Variants in THRB observed in about 807,000 individuals in gnomAD.
THRB encodes nuclear receptor subfamily 1 group A member 2.
In THRB, 12 loss-of-function variants were observed where a neutral mutation model predicts 47.8. The observed-to-expected ratio is 0.25, with a 90% CI of 0.16 to 0.41. The LOEUF (loss-of-function observed/expected upper bound fraction) is 0.41, where lower values mean the gene tolerates loss of function less well. Ranked by LOEUF, THRB falls within the 10% of genes least tolerant of loss-of-function variation. The pLI is 1.00. For synonymous variants in THRB, 218 were observed against 212.2 expected, an observed-to-expected ratio of 1.03 and a Z score of -0.24; for missense variants, 348 against 589.2, an observed-to-expected ratio of 0.59 and a Z score of 4.24.
chr3:24,369,146 A>G (rs973843737), intron 1 of THRB, among the ~76,000 whole-genome samples: 4 of 152,158 alleles, frequency 2.6e-5, no homozygotes, highest in African/African-American at 9.6e-5. Flanking sequence ...CCATAATTCT[A>G]TAAAGACATC....
intron 1 of THRB, among the ~76,000 whole-genome samples, chr3:24,487,304 T>G (rs1316559876): frequency 1.3e-5 from 2 of 151,992 alleles, no homozygotes; most frequent in Non-Finnish European, 2.9e-5. Flanking sequence ...TCACAACCTA[T>G]TGTGCTGAAC....
chr3:24,190,884 G>GAA (rs59313395), intron 4 of THRB, among the ~76,000 whole-genome samples: 3 of 131,478 alleles, frequency 2.3e-5, no homozygotes, highest in African/African-American at 2.7e-5. Context: ...CCTACAAAAA[G>GAA]AAAAAAAAAA....
At chr3:24,179,268 G>A (rs1466086660) in intron 5 of THRB, among the ~76,000 whole-genome samples, 1 of 152,148 alleles carries the variant, frequency 6.6e-6, no homozygotes, top group African/African-American at 2.4e-5. Context: ...GAAAATAGTA[G>A]GCATCAACGT....
intron 1 of THRB, among the ~76,000 whole-genome samples, chr3:24,475,813 T>A (rs745315778): frequency 6.6e-6 from 1 of 152,220 alleles, no homozygotes; most frequent in South Asian, 2.1e-4. Flanking sequence ...AGATTCTATA[T>A]AACAGACATC....
At chr3:24,396,461 G>T (rs2066972431) in intron 1 of THRB, among the ~76,000 whole-genome samples, 1 of 152,094 alleles carries the variant, frequency 6.6e-6, no homozygotes, top group Non-Finnish European at 1.5e-5. Flanking sequence ...TGTTTCAATA[G>T]ATGACATCTT....
At chr3:24,177,504 G>A (rs1430714283) in intron 5 of THRB, among the ~76,000 whole-genome samples, 1 of 152,106 alleles carries the variant, frequency 6.6e-6, no homozygotes, top group Middle Eastern at 3.2e-3. Flanking sequence ...TTCACCATCT[G>A]CAGTGAATCA....
chr3:24,243,082 A>G (rs1452877313), intron 3 of THRB, among the ~76,000 whole-genome samples: 1 of 151,580 alleles, frequency 6.6e-6, no homozygotes, highest in Non-Finnish European at 1.5e-5. Context: ...AAAAAAAAAA[A>G]AAAAAAAAAA....
chr3:24,449,572 G>T (rs572266303), intron 1 of THRB, among the ~76,000 whole-genome samples: 1 of 152,244 alleles, frequency 6.6e-6, no homozygotes, highest in South Asian at 2.1e-4. Context: ...TGGAATTTTT[G>T]ACTTTCTCTC....
At chr3:24,320,641 T>C (rs1167461013) in intron 2 of THRB, among the ~76,000 whole-genome samples, 4 of 152,140 alleles carry the variant, frequency 2.6e-5, no homozygotes, top group Non-Finnish European at 5.9e-5. Context: ...TTGGTGTTTC[T>C]AGTATTAAAT....
chr3:24,338,526 G>A (rs2062415419), intron 1 of THRB, among the ~76,000 whole-genome samples: 1 of 152,178 alleles, frequency 6.6e-6, no homozygotes, highest in Non-Finnish European at 1.5e-5. Context: ...GCCACATTGA[G>A]TAAATACATA....
rs148869047 is a variant in THRB at position 24,254,440 on chromosome 3, T to C, written c.-42-25439A>G. On this transcript the variant is annotated intron_variant, in intron 3 of 10. Coordinates refer to ENST00000646209, the MANE Select transcript of THRB (RefSeq NM_001354712.2). ...AAATTTACCTTCCAAAGGCTCAGGA[T>C]GTGTTTAATAATACATATACTATTG... 2.2e-3 allele frequency among the ~76,000 whole-genome samples: 335 copies of C among 151,012 alleles called. 1 individual carries two copies. The highest frequency in any genetic ancestry group is 7.8e-3 in the African/African-American group (321 of 41,234).
At chr3:24,329,730 A>G (rs913217697) in intron 2 of THRB, among the ~76,000 whole-genome samples, 2 of 152,226 alleles carry the variant, frequency 1.3e-5, no homozygotes, top group African/African-American at 4.8e-5. Flanking sequence ...TATAACAGAC[A>G]TTTGTTTAAT....
At chr3:24,184,869 T>C (rs1337055832) in intron 5 of THRB, among the ~76,000 whole-genome samples, 2 of 152,222 alleles carry the variant, frequency 1.3e-5, no homozygotes, top group Admixed American at 1.3e-4. Context: ...TTTAAAATAC[T>C]CATTCACCTG....
At chr3:24,308,663 T>G (rs887506868) in intron 2 of THRB, among the ~76,000 whole-genome samples, 2 of 152,102 alleles carry the variant, frequency 1.3e-5, no homozygotes, top group African/African-American at 2.4e-5. Flanking sequence ...CTTAGAACTC[T>G]ATACTTACAT....
rs2031510050 is a variant in THRB, at chr3:24,120,584, G to A, written c.*2300C>T. The stretch of plus-strand genomic sequence containing the variant: ...CTCATTCCCTTTGGAAAGAAAGCTT[G>A]CCCCAGACAGCAGAGCTTCTCAGGG... On this transcript the variant is annotated 3_prime_UTR_variant, in exon 11 of 11. Transcript: ENST00000646209. The A allele has an allele frequency of 6.6e-6, 1 of 152,246 alleles. No homozygotes were observed. The allele number at this position is 152,246 out of a possible 1,614,324, so 9.4% of individuals were successfully genotyped here. A position where few individuals can be genotyped will look rare whatever the true frequency, so the allele number is the denominator to read the frequency against.
chr3:24,466,980 T>A (rs2074207421), intron 1 of THRB, among the ~76,000 whole-genome samples: 1 of 152,218 alleles, frequency 6.6e-6, no homozygotes, highest in African/African-American at 2.4e-5. Context: ...TATGATGCTG[T>A]TTGATAGAAT....
intron 2 of THRB, among the ~76,000 whole-genome samples, chr3:24,301,629 T>G (rs1166148526): frequency 6.6e-6 from 1 of 152,244 alleles, no homozygotes; most frequent in African/African-American, 2.4e-5. Context: ...TCCCTGACAC[T>G]TGGGGTATAA....
intron 7 of THRB, among the ~76,000 whole-genome samples, chr3:24,145,816 T>G (rs2036009717): frequency 6.6e-6 from 1 of 152,216 alleles, no homozygotes; most frequent in Admixed American, 6.5e-5. Context: ...TCTTTCTTCA[T>G]TTTTTATCTT....
At chr3:24,338,231 CT>C (rs1353971659) in intron 1 of THRB, among the ~76,000 whole-genome samples, 2 of 151,926 alleles carry the variant, frequency 1.3e-5, no homozygotes, top group Admixed American at 1.3e-4. Flanking sequence ...TGAAGAATGC[CT>C]TTTTTTAAAT....
Sources: allele counts gnomAD v4.1 joint callset (sites outside exome capture counted in the v4.1 genomes callset), GRCh38; gene constraint gnomAD v4.1.1; transcripts MANE v1.5; gene names NCBI Gene and HGNC (gene_info 2026-07-23, HGNC 2026-07-21).